WWOX: variants seen among roughly 807,000 people sequenced by gnomAD.
WWOX encodes the protein WW domain-containing oxidoreductase.
In WWOX, 69 loss-of-function variants were observed where a neutral mutation model predicts 46.2. The ratio of observed to expected loss-of-function variants is 1.49; its 90% CI spans 1.23 to 1.82. The LOEUF is 1.82. Among genes scored for constraint, WWOX ranks in the 40% most tolerant of loss-of-function variants. WWOX has a pLI of 0.00. For synonymous variants in WWOX, 359 were observed against 202.6 expected (o/e 1.77, Z -6.56); for missense variants, 919 against 542.6 (o/e 1.69, Z -6.89).
chr16:78,815,566 C>A lies in WWOX; in HGVS notation c.1056+382814C>A, dbSNP rs373156209. 2.6e-5 allele frequency among the ~76,000 whole-genome samples: 4 copies of A among 152,308 alleles called. No individual in the cohort carries two copies. In the East Asian group the frequency reaches 7.7e-4, roughly 29 times the overall value. On this transcript the variant is annotated intron_variant, in intron 8 of 8. Transcript: ENST00000566780. ...ATCTCAGACCATGATGACCTCCTTGCCCAATGCGTAAGCTGTCCTCCAAAA... is the reference window on the plus strand; with the variant it reads ...ATCTCAGACCATGATGACCTCCTTGACCAATGCGTAAGCTGTCCTCCAAAA...
At chr16:78,952,848 C>G (rs138150505) in intron 8 of WWOX, among the ~76,000 whole-genome samples, 5 of 152,134 alleles carry the variant, frequency 3.3e-5, no homozygotes, top group African/African-American at 1.2e-4. Flanking sequence ...GTGAATAAAT[C>G]TGCGCTTTAG....
chr16:78,187,440 A>T (rs536944767), intron 5 of WWOX, among the ~76,000 whole-genome samples: 48 of 152,286 alleles, frequency 3.2e-4, no homozygotes, highest in African/African-American at 1.2e-3. Flanking sequence ...AGTCTCTACT[A>T]AAAATACAAA....
At chr16:78,803,292 T>C (rs765610897) in intron 8 of WWOX, among the ~76,000 whole-genome samples, 1 of 152,002 alleles carries the variant, frequency 6.6e-6, no homozygotes, top group Admixed American at 6.6e-5. Context: ...TGTGTTATTG[T>C]AGTGGCTTCG....
chr16:78,186,240 C>CT (rs34202784), intron 5 of WWOX, among the ~76,000 whole-genome samples: 121 of 144,196 alleles, frequency 8.4e-4, no homozygotes, highest in South Asian at 1.8e-3. Context: ...TTCTTTTTAC[C>CT]TTTTTTTTTT....
At chr16:78,444,967 C>T (rs947730591) in intron 8 of WWOX, among the ~76,000 whole-genome samples, 2 of 152,098 alleles carry the variant, frequency 1.3e-5, no homozygotes, top group Admixed American at 6.6e-5. Flanking sequence ...CCTACAGGTA[C>T]CATTTAAGCT....
At chr16:78,363,846 G>A (rs4076621) in intron 5 of WWOX, among the ~76,000 whole-genome samples, 15,999 of 152,126 alleles carry the variant, frequency 0.11, 1,246 homozygotes, top group East Asian at 0.3. Flanking sequence ...CTTGCCCGAG[G>A]TCATGTGCAG....
At chr16:78,260,794 C>T (rs1597414091) in intron 5 of WWOX, among the ~76,000 whole-genome samples, 1 of 147,110 alleles carries the variant, frequency 6.8e-6, no homozygotes, top group African/African-American at 2.5e-5. Flanking sequence ...CAAAAATTAG[C>T]TGGGTGTGGT....
At chr16:78,490,071 A>G (rs190576340) in intron 8 of WWOX, among the ~76,000 whole-genome samples, 1 of 152,252 alleles carries the variant, frequency 6.6e-6, no homozygotes, top group Admixed American at 6.5e-5. Context: ...TTAGTTTATT[A>G]GAGACAATTT....
rs75015048 is a variant in WWOX at position 78,555,444 on chromosome 16, A to C, written c.1056+122692A>C. 9.9e-5 allele frequency among the ~76,000 whole-genome samples: 15 copies of C among 152,212 alleles called. No homozygotes were observed. In the East Asian group the frequency reaches 2.9e-3, roughly 29 times the overall value. ...GCTTTGGACTTTGTGGCTTTAGGTA[A>C]ATTACTTATTCTCTTTGCACCTCAG... On this transcript the variant is annotated intron_variant, in intron 8 of 8. Coordinates refer to ENST00000566780, the MANE Select transcript of WWOX (RefSeq NM_016373.4).
chr16:78,556,806 G>A (rs1002404631), intron 8 of WWOX, among the ~76,000 whole-genome samples: 3 of 151,610 alleles, frequency 2.0e-5, no homozygotes, highest in Non-Finnish European at 2.9e-5. Flanking sequence ...AACTACCCCC[G>A]CCCCCGGGTT....
At chr16:78,726,057 C>T (rs1184767893) in intron 8 of WWOX, among the ~76,000 whole-genome samples, 1 of 149,808 alleles carries the variant, frequency 6.7e-6, no homozygotes, top group Non-Finnish European at 1.5e-5. Context: ...TACTTTTACT[C>T]CTCCCTGCTT....
intron 8 of WWOX, among the ~76,000 whole-genome samples, chr16:79,090,324 A>G (rs1257386451): frequency 6.3e-5 from 9 of 141,930 alleles, no homozygotes; most frequent in Admixed American, 1.4e-4. Context: ...TGTGTGATAT[A>G]ATGTGTTGCA....
intron 8 of WWOX, among the ~76,000 whole-genome samples, chr16:78,972,087 C>A (rs1368949246): frequency 6.6e-6 from 1 of 152,118 alleles, no homozygotes; most frequent in African/African-American, 2.4e-5. Flanking sequence ...TACCCAGCAG[C>A]CCAGACCTCT....
chr16:78,529,961 T>C (rs767591763), intron 8 of WWOX, among the ~76,000 whole-genome samples: 51 of 152,210 alleles, frequency 3.4e-4, no homozygotes, highest in African/African-American at 1.2e-3. Flanking sequence ...GAAATTTCCC[T>C]GACCCCTTTG....
intron 8 of WWOX, among the ~76,000 whole-genome samples, chr16:78,818,424 T>C (rs1034668876): frequency 2.6e-5 from 4 of 152,200 alleles, no homozygotes; most frequent in Admixed American, 6.5e-5. Flanking sequence ...TAGAAAGCCC[T>C]AGGACAAGGC....
rs2083042078 is a variant in WWOX, at chr16:78,424,967, G to C, written c.703G>C (p.Gly235Arg). The change falls in exon 7 of 9, where the codon GGG (glycine) becomes CGG (arginine). Residue 235 changes from glycine (G) to arginine (R), a missense_variant. Transcript: ENST00000566780. ...LETTFQVNHL[G>R]HFYLVQLLQD... ...GACCACCTTTCAAGTGAATCATCTGGGGCACTTCTACCTTGTCCAGCTCCT... is the reference window on the plus strand; with the variant it reads ...GACCACCTTTCAAGTGAATCATCTGCGGCACTTCTACCTTGTCCAGCTCCT... 1 of 1,613,902 alleles carries C rather than the reference G, an allele frequency of 6.2e-7. No homozygotes were observed. The highest frequency in any genetic ancestry group is 1.3e-5 in the African/African-American group (1 of 74,866).
intron 5 of WWOX, among the ~76,000 whole-genome samples, chr16:78,376,250 A>G (rs2081822888): frequency 6.6e-6 from 1 of 152,154 alleles, no homozygotes; most frequent in African/African-American, 2.4e-5. Context: ...CGCTTAGAGA[A>G]TGTAAGTAAA....
Position 78,570,876 on chromosome 16 carries a change from G to C in WWOX, c.1056+138124G>C, listed in dbSNP as rs1377111341. Reference sequence around the variant, plus strand: ...GCTTTGGAAAGCACGGGCAGGTAAGGACAGGGTTTCAAAGGTGAGAAGGAG... The same window carrying C: ...GCTTTGGAAAGCACGGGCAGGTAAGCACAGGGTTTCAAAGGTGAGAAGGAG... On this transcript the variant is annotated intron_variant, in intron 8 of 8. Transcript: ENST00000566780. Among the ~76,000 whole-genome samples, 3 of 152,202 alleles carry C rather than the reference G, an allele frequency of 2.0e-5. No individual in the cohort carries two copies. The South Asian group carries it at 6.2e-4, about 32-fold the overall frequency.
intron 5 of WWOX, among the ~76,000 whole-genome samples, chr16:78,179,376 G>A (rs978629747): frequency 2.0e-5 from 3 of 152,272 alleles, no homozygotes; most frequent in Middle Eastern, 3.4e-3. Flanking sequence ...AACATTCTCA[G>A]ATTGGAAAGG....
Sources: allele counts gnomAD v4.1 joint callset (sites outside exome capture counted in the v4.1 genomes callset), GRCh38; gene constraint gnomAD v4.1.1; transcripts MANE v1.5; gene names NCBI Gene and HGNC (gene_info 2026-07-23, HGNC 2026-07-21).